SORCS2: variants seen among roughly 807,000 people sequenced by gnomAD.
SORCS2 encodes the protein VPS10 domain-containing receptor SorCS2.
A neutral mutation model predicts 141.6 loss-of-function variants in SORCS2; 100 were observed. The ratio of observed to expected loss-of-function variants is 0.71; its 90% confidence interval spans 0.60 to 0.83. SORCS2 has a LOEUF of 0.83. Ranked by LOEUF, SORCS2 falls within the 40% of genes least tolerant of loss-of-function variation. The pLI is 0.00. For missense variants in SORCS2, 1,646 were observed against 1,560.2 expected (o/e 1.05, Z -0.93); for synonymous variants, 789 against 676.9 (o/e 1.17, Z -2.57).
chr4:7,558,156 A>T (rs968812178), intron 3 of SORCS2, among the ~76,000 whole-genome samples: 2 of 152,206 alleles, frequency 1.3e-5, no homozygotes, highest in South Asian at 4.1e-4. Context: ...CAAGTGGCCA[A>T]GGTGTCCAGA....
intron 2 of SORCS2, among the ~76,000 whole-genome samples, chr4:7,425,242 T>A (rs1726351230): frequency 6.6e-6 from 1 of 152,170 alleles, no homozygotes; most frequent in Non-Finnish European, 1.5e-5. Flanking sequence ...CGCTGTGGGG[T>A]GACCTTCGGC....
intron 3 of SORCS2, among the ~76,000 whole-genome samples, chr4:7,581,699 C>G (rs1402961342): frequency 1.3e-5 from 2 of 152,152 alleles, no homozygotes; most frequent in East Asian, 3.9e-4. Context: ...AGCTACGCCT[C>G]TCAGGTTGCT....
intron 1 of SORCS2, among the ~76,000 whole-genome samples, chr4:7,262,908 A>C (rs1714462300): frequency 6.6e-6 from 1 of 152,242 alleles, no homozygotes; most frequent in Non-Finnish European, 1.5e-5. Context: ...CGCAGGGCTC[A>C]GACGGCCAAT....
intron 2 of SORCS2, among the ~76,000 whole-genome samples, chr4:7,461,603 A>T (rs556897244): frequency 6.6e-6 from 1 of 152,226 alleles, no homozygotes; most frequent in Non-Finnish European, 1.5e-5. Flanking sequence ...GCACTGTAGC[A>T]TGTTTGCATG....
At chr4:7,594,265 C>A (rs1235475552) in intron 3 of SORCS2, among the ~76,000 whole-genome samples, 2 of 152,210 alleles carry the variant, frequency 1.3e-5, no homozygotes, top group African/African-American at 4.8e-5. Flanking sequence ...GTGGCAGGTC[C>A]CGCGATCATA....
chr4:7,484,520 C>T (rs564529884), intron 2 of SORCS2, among the ~76,000 whole-genome samples: 26 of 152,166 alleles, frequency 1.7e-4, no homozygotes, highest in African/African-American at 5.3e-4. Context: ...GAGAGGAGGC[C>T]GGGCTTATAA....
intron 7 of SORCS2, among the ~76,000 whole-genome samples, chr4:7,665,734 C>G (rs961314623): frequency 1.3e-5 from 2 of 152,218 alleles, no homozygotes; most frequent in Admixed American, 6.5e-5. Flanking sequence ...TTTCCCAGCT[C>G]CTAGCATTGC....
chr4:7,262,343 C>T (rs1419818972), intron 1 of SORCS2, among the ~76,000 whole-genome samples: 1 of 150,626 alleles, frequency 6.6e-6, no homozygotes, highest in African/African-American at 2.4e-5. Context: ...TCTATCCATC[C>T]ATCCATCCAT....
In SORCS2 at chr4:7,339,710, G is replaced by A. The variant is rs117813685; in HGVS notation, c.481-56578G>A. The stretch of plus-strand genomic sequence containing the variant: ...ATCTCCAAATAAGGGCACATTCGTA[G>A]GTCCTGGGGGTTAGGACTTCAACAT... On this transcript the variant is annotated intron_variant, in intron 1 of 26. Coordinates refer to ENST00000507866, the MANE Select transcript of SORCS2 (RefSeq NM_020777.3). Among the ~76,000 whole-genome samples, 921 of 152,314 alleles carry A rather than the reference G, an allele frequency of 6.0e-3. 64 individuals are homozygous for A. The East Asian group carries it at 0.14, about 22-fold the overall frequency.
chr4:7,334,826 C>T (rs115260901), intron 1 of SORCS2, among the ~76,000 whole-genome samples: 2 of 151,922 alleles, frequency 1.3e-5, no homozygotes, highest in African/African-American at 4.8e-5. Flanking sequence ...GTGAGCAGGC[C>T]CTGTAGGATG....
chr4:7,682,155 G>A (rs1027074472), intron 9 of SORCS2, among the ~76,000 whole-genome samples: 2 of 152,174 alleles, frequency 1.3e-5, no homozygotes, highest in Admixed American at 6.5e-5. Flanking sequence ...GGGCCTCTTA[G>A]GAAACCTTGA....
intron 1 of SORCS2, among the ~76,000 whole-genome samples, chr4:7,344,381 C>A (rs564065814): frequency 6.6e-6 from 1 of 152,338 alleles, no homozygotes; most frequent in South Asian, 2.1e-4. Flanking sequence ...AAACCAGGCG[C>A]CCTGCCTAGC....
chr4:7,281,399 C>T (rs1448501680), intron 1 of SORCS2, among the ~76,000 whole-genome samples: 1 of 152,186 alleles, frequency 6.6e-6, no homozygotes, highest in Non-Finnish European at 1.5e-5. Context: ...ATCTGACTCA[C>T]AAGGGGCTGT....
intron 1 of SORCS2, among the ~76,000 whole-genome samples, chr4:7,254,654 G>T (rs1330782492): frequency 6.6e-6 from 1 of 152,052 alleles, no homozygotes; most frequent in African/African-American, 2.4e-5. Context: ...AAATAAAAAG[G>T]AAAAAAAGAG....
At chr4:7,336,285 G>A (rs964896595) in intron 1 of SORCS2, among the ~76,000 whole-genome samples, 5 of 152,174 alleles carry the variant, frequency 3.3e-5, no homozygotes, top group African/African-American at 9.7e-5. Context: ...AGCATCCAGC[G>A]GGCAGCTTGG....
chr4:7,441,117 G>T (rs539232077), intron 2 of SORCS2, among the ~76,000 whole-genome samples: 19 of 152,326 alleles, frequency 1.2e-4, no homozygotes, highest in Admixed American at 1.1e-3. Context: ...GGGGGACTCG[G>T]CAAGGGCGAA....
chr4:7,361,819 A>G (rs1296565356), intron 1 of SORCS2, among the ~76,000 whole-genome samples: 1 of 151,178 alleles, frequency 6.6e-6, no homozygotes, highest in East Asian at 1.9e-4. Flanking sequence ...GGCAAGGCTA[A>G]AGCAGCCTCC....
In SORCS2 at chr4:7,434,331, CAG is replaced by C. The variant is rs747425539; in HGVS notation, c.548+37979_548+37980del. On this transcript the variant is annotated intron_variant, in intron 2 of 26. Transcript: ENST00000507866. ...AGACCTGCCGTACACAGTCTTGGCA[CAG>C]AGCTCCTTCAGGCGCCTGGCGGGGG... The C allele has an allele frequency of 3.7e-6, 6 of 1,610,866 alleles. No individual in the cohort carries two copies. In the African/African-American group the frequency reaches 5.3e-5, roughly 14 times the overall value.
chr4:7,244,342 T>C (rs1015629332), intron 1 of SORCS2, among the ~76,000 whole-genome samples: 18 of 152,234 alleles, frequency 1.2e-4, no homozygotes, highest in Admixed American at 2.6e-4. Context: ...CGAAGATTCA[T>C]GGGTAAGGGC....
Sources: gnomAD v4.1 joint callset for allele counts (sites outside exome capture counted in the v4.1 genomes callset) on GRCh38, gnomAD v4.1.1 for gene constraint, MANE v1.5 for transcripts, NCBI Gene and HGNC (gene_info 2026-07-23, HGNC 2026-07-21) for gene names.